Variants in AUH observed in about 807,000 individuals in gnomAD.
AUH encodes the protein methylglutaconyl-CoA hydratase, mitochondrial.
Under a neutral mutation model 42.3 loss-of-function variants are expected in AUH, and 29 were observed. That is an observed-to-expected ratio of 0.69 (90% CI 0.51 to 0.93). AUH has a LOEUF of 0.93. Among genes scored for constraint, AUH ranks in the 40% least tolerant of loss-of-function variants. The pLI is 0.00. For synonymous variants in AUH, 174 were observed against 166.4 expected (o/e 1.05, Z -0.35); for missense variants, 452 against 438.1 (o/e 1.03, Z -0.28).
chr9:91,277,717 T>G (rs1825655549), intron 6 of AUH, among the ~76,000 whole-genome samples: 1 of 152,192 alleles, frequency 6.6e-6, no homozygotes, highest in Non-Finnish European at 1.5e-5. Flanking sequence ...TCAAGTGACA[T>G]GAGACAACTA....
intron 6 of AUH, among the ~76,000 whole-genome samples, chr9:91,271,741 C>T (rs563375303): frequency 6.6e-6 from 1 of 152,294 alleles, no homozygotes; most frequent in African/African-American, 2.4e-5. Flanking sequence ...AGTGCAATGG[C>T]GCAATCTCAG....
At chr9:91,265,319 TACTTCA>T (rs1452639306) in intron 6 of AUH, among the ~76,000 whole-genome samples, 3 of 148,658 alleles carry the variant, frequency 2.0e-5, no homozygotes, top group East Asian at 3.9e-4. Context: ...TTTAGAAGGT[TACTTCA>T]ACTTCATTTT....
chr9:91,342,644 T>C (rs1303305643), intron 3 of AUH: 1 of 152,182 alleles, frequency 6.6e-6, no homozygotes, highest in Non-Finnish European at 1.5e-5. Context: ...TAAAATATTA[T>C]ACAGGTAGGC....
At chr9:91,281,206 C>A (rs867264447) in intron 6 of AUH, among the ~76,000 whole-genome samples, 4 of 152,154 alleles carry the variant, frequency 2.6e-5, no homozygotes, top group Non-Finnish European at 5.9e-5. Flanking sequence ...ATTTATTTTA[C>A]ACAATGATTT....
chr9:91,257,251 T>A (rs77073324), intron 6 of AUH, among the ~76,000 whole-genome samples: 2 of 151,962 alleles, frequency 1.3e-5, no homozygotes, highest in African/African-American at 4.8e-5. Flanking sequence ...CAGCTAGTAG[T>A]CTCTGCCACA....
chr9:91,356,786 T>C (rs1404813809), intron 1 of AUH, among the ~76,000 whole-genome samples: 1 of 152,210 alleles, frequency 6.6e-6, no homozygotes. Flanking sequence ...GTACTATGCA[T>C]AGAATGCATC....
intron 3 of AUH, among the ~76,000 whole-genome samples, chr9:91,335,967 C>T (rs1158715733): frequency 6.6e-6 from 1 of 152,130 alleles, no homozygotes; most frequent in Non-Finnish European, 1.5e-5. Flanking sequence ...TAGCCATCAA[C>T]CACTGTGGAT....
intron 6 of AUH, among the ~76,000 whole-genome samples, chr9:91,227,717 A>C (rs1331486383): frequency 6.6e-6 from 1 of 150,874 alleles, no homozygotes. Context: ...ATTATTTTGA[A>C]ATATGTCCCA....
At chr9:91,317,800 A>C (rs1040138177) in intron 4 of AUH, among the ~76,000 whole-genome samples, 1 of 152,224 alleles carries the variant, frequency 6.6e-6, no homozygotes, top group African/African-American at 2.4e-5. Flanking sequence ...GTTTCCTTCT[A>C]TTCCTAGTTT....
At chr9:91,278,000 G>A (rs1418595108) in intron 6 of AUH, among the ~76,000 whole-genome samples, 1 of 152,198 alleles carries the variant, frequency 6.6e-6, no homozygotes, top group Non-Finnish European at 1.5e-5. Flanking sequence ...GGTGCTCAAG[G>A]TTTCCCCACT....
intron 4 of AUH, among the ~76,000 whole-genome samples, chr9:91,309,729 G>C (rs1050286819): frequency 6.6e-6 from 1 of 152,148 alleles, no homozygotes; most frequent in African/African-American, 2.4e-5. Flanking sequence ...CACTATTTGG[G>C]TGATGGGTTC....
chr9:91,243,025 TGTA>T (rs1198203103), intron 6 of AUH, among the ~76,000 whole-genome samples: 1 of 152,214 alleles, frequency 6.6e-6, no homozygotes, highest in Non-Finnish European at 1.5e-5. Flanking sequence ...CTAGGTACTA[TGTA>T]ATGGAATACA....
chr9:91,324,672 AC>A (rs1291704033), intron 4 of AUH, among the ~76,000 whole-genome samples: 1 of 151,662 alleles, frequency 6.6e-6, no homozygotes, highest in Non-Finnish European at 1.5e-5. Flanking sequence ...AAAAATAGCA[AC>A]ATTATATGCT....
At chr9:91,322,724 A>AT (rs1473747096) in intron 4 of AUH, among the ~76,000 whole-genome samples, 2 of 152,214 alleles carry the variant, frequency 1.3e-5, no homozygotes, top group Admixed American at 6.5e-5. Flanking sequence ...CCAAAAAAGA[A>AT]TAACACAAAA....
intron 3 of AUH, among the ~76,000 whole-genome samples, chr9:91,325,723 A>G (rs1250819823): frequency 1.3e-5 from 2 of 152,236 alleles, no homozygotes; most frequent in East Asian, 3.8e-4. Context: ...CAAAACTAAG[A>G]AATTGTTTAA....
At chr9:91,246,448 A>G (rs1013399634) in intron 6 of AUH, among the ~76,000 whole-genome samples, 3 of 152,242 alleles carry the variant, frequency 2.0e-5, no homozygotes, top group African/African-American at 4.8e-5. Context: ...AAGCCTAACT[A>G]ATAACTGAAG....
chr9:91,304,049 T>G (rs1006047861), intron 4 of AUH, among the ~76,000 whole-genome samples: 2 of 152,038 alleles, frequency 1.3e-5, no homozygotes, highest in African/African-American at 4.8e-5. Flanking sequence ...GGAACACATA[T>G]CCAAAAGCCA....
chr9:91,339,872 G>A (rs188036596), intron 3 of AUH, among the ~76,000 whole-genome samples: 1 of 152,268 alleles, frequency 6.6e-6, no homozygotes, highest in East Asian at 1.9e-4. Context: ...CTGGTAGAAG[G>A]CAGGGGTACC....
At chr9:91,306,294 C>G (rs558572657) in intron 4 of AUH, 1 of 918,028 alleles carries the variant, frequency 1.1e-6, no homozygotes, top group East Asian at 1.2e-4. Context: ...AAGTCCATGC[C>G]CATTCAGCAA....
Sources: allele counts gnomAD v4.1 joint callset (sites outside exome capture counted in the v4.1 genomes callset), GRCh38; gene constraint gnomAD v4.1.1; transcripts MANE v1.5; gene names NCBI Gene and HGNC (gene_info 2026-07-23, HGNC 2026-07-21).